ASCC3: variants seen among roughly 807,000 people sequenced by gnomAD.
ASCC3 encodes activating signal cointegrator 1 complex subunit 3, also known as ASC-1 complex subunit P200.
ASCC3 carries 158 observed loss-of-function variants against 256.3 expected under a neutral mutation model. The ratio of observed to expected loss-of-function variants is 0.62; its 90% confidence interval spans 0.54 to 0.70. The LOEUF (loss-of-function observed/expected upper bound fraction) is 0.70. Ranked by LOEUF, ASCC3 falls within the 30% of genes least tolerant of loss-of-function variation. The probability of loss-of-function intolerance (pLI) is 0.00; values close to 1 mark genes in which losing one functional copy is unlikely to be tolerated. For synonymous variants in ASCC3, 948 were observed against 883.4 expected, an observed-to-expected ratio of 1.07 and a Z score of -1.30; for missense variants, 2,259 against 2,626.0, an observed-to-expected ratio of 0.86 and a Z score of 3.05.
intron 14 of ASCC3, among the ~76,000 whole-genome samples, chr6:100,664,156 C>T (rs947810003): frequency 6.6e-6 from 1 of 152,078 alleles, no homozygotes; most frequent in East Asian, 1.9e-4. Flanking sequence ...TTCTGTTTGG[C>T]CATCACATCA....
At chr6:100,679,547 C>A in intron 14 of ASCC3, 71 bp downstream of exon 14, 1 of 1,601,070 alleles carries the variant, frequency 6.2e-7, no homozygotes, top group Non-Finnish European at 8.5e-7. Flanking sequence ...GACCGTGGAT[C>A]TTTCACATAT....
chr6:100,533,081 A>C (rs1774993964), intron 37 of ASCC3, among the ~76,000 whole-genome samples: 1 of 151,178 alleles, frequency 6.6e-6, no homozygotes, highest in African/African-American at 2.4e-5. Flanking sequence ...TTGAAATAAG[A>C]TCCCATTAGC....
chr6:100,563,670 G>A (rs1404931050), intron 36 of ASCC3, among the ~76,000 whole-genome samples: 1 of 152,090 alleles, frequency 6.6e-6, no homozygotes, highest in African/African-American at 2.4e-5. Flanking sequence ...GCCGAAGCCA[G>A]ACTCAGAACA....
At chr6:100,794,240 T>C (rs1769489955) in intron 8 of ASCC3, among the ~76,000 whole-genome samples, 1 of 152,088 alleles carries the variant, frequency 6.6e-6, no homozygotes, top group Non-Finnish European at 1.5e-5. Flanking sequence ...TCCCACAATA[T>C]TGAGTGTAAA....
Position 100,650,540 on chromosome 6 carries a change from G to A in ASCC3, c.3250C>T (p.Gln1084Ter), listed in dbSNP as rs1251851579. ...CTGGAAGGGAATAAGATACTTACCT[G>A]TGCAACATATGCAGAATCTGATATA... ...SLISDSAYVAQNAARIVRALF... is the reference protein window; with the variant it reads ...SLISDSAYVA Residue 1084 changes from glutamine to a stop codon, truncating the protein, a stop_gained and splice_region_variant, in exon 20 of 42, where the codon CAG becomes TAG. Transcript: ENST00000369162. LOFTEE classifies it high-confidence loss of function. 1 of 1,612,328 alleles carries A rather than the reference G, an allele frequency of 6.2e-7. No homozygotes were observed. The highest frequency in any genetic ancestry group is 2.2e-5 in the East Asian group (1 of 44,738).
chr6:100,875,264 G>C (rs1773942735), intron 1 of ASCC3, among the ~76,000 whole-genome samples: 1 of 152,154 alleles, frequency 6.6e-6, no homozygotes, highest in Admixed American at 6.5e-5. Context: ...AAGGAGAAAG[G>C]AGCAGGACAC....
At chr6:100,744,852 A>G (rs535743709) in intron 10 of ASCC3, among the ~76,000 whole-genome samples, 2 of 152,340 alleles carry the variant, frequency 1.3e-5, no homozygotes, top group Admixed American at 6.5e-5. Flanking sequence ...TTCTCACCAT[A>G]TGTTTGAGAA....
At chr6:100,523,562 A>T (rs982704425) in intron 37 of ASCC3, among the ~76,000 whole-genome samples, 22 of 152,114 alleles carry the variant, frequency 1.4e-4, no homozygotes, top group African/African-American at 5.3e-4. Flanking sequence ...CAGTCTCTGT[A>T]AGGAAATTTT....
intron 36 of ASCC3, among the ~76,000 whole-genome samples, chr6:100,571,612 A>G (rs1770596833): frequency 6.6e-6 from 1 of 152,216 alleles, no homozygotes; most frequent in African/African-American, 2.4e-5. Context: ...TGTTCTATGC[A>G]TTTCACGTAT....
intron 36 of ASCC3, among the ~76,000 whole-genome samples, chr6:100,587,212 A>G (rs1771745927): frequency 6.6e-6 from 1 of 152,130 alleles, no homozygotes; most frequent in Admixed American, 6.6e-5. Context: ...TCCTTAGTTT[A>G]AAACCACAAT....
chr6:100,824,916 T>G (rs1242525408), intron 4 of ASCC3, among the ~76,000 whole-genome samples: 1 of 152,130 alleles, frequency 6.6e-6, no homozygotes, highest in Non-Finnish European at 1.5e-5. Context: ...TTTGGTTTTT[T>G]TGCAAGCTTA....
chr6:100,809,288 CA>C (rs1218588767), intron 4 of ASCC3, among the ~76,000 whole-genome samples: 3 of 151,974 alleles, frequency 2.0e-5, no homozygotes, highest in Non-Finnish European at 2.9e-5. Flanking sequence ...GCTTAAAACA[CA>C]AACACACTGT....
chr6:100,664,736 G>C (rs77643327), intron 14 of ASCC3, among the ~76,000 whole-genome samples: 2,344 of 152,188 alleles, frequency 0.015, 23 homozygotes, highest in East Asian at 0.045. Context: ...TATGAATATG[G>C]AAAAAAGTCC....
intron 36 of ASCC3, among the ~76,000 whole-genome samples, chr6:100,543,554 G>A (rs1775567256): frequency 6.6e-6 from 1 of 152,116 alleles, no homozygotes; most frequent in African/African-American, 2.4e-5. Context: ...GAAAGGCAGA[G>A]TGGCTATATT....
At chr6:100,559,695 C>T (rs1351199212) in intron 36 of ASCC3, among the ~76,000 whole-genome samples, 1 of 151,816 alleles carries the variant, frequency 6.6e-6, no homozygotes, top group African/African-American at 2.4e-5. Context: ...ACTAAAAATA[C>T]AAACACTATC....
intron 4 of ASCC3, among the ~76,000 whole-genome samples, chr6:100,834,381 A>C (rs1469448334): frequency 6.6e-6 from 1 of 152,206 alleles, no homozygotes; most frequent in Non-Finnish European, 1.5e-5. Flanking sequence ...ATTGTGAAAG[A>C]AGTATATTTG....
At position 100,509,399 on chromosome 6, in the gene ASCC3, A is replaced by AG. The variant is rs1254866538; in HGVS notation, c.6595dup (p.Leu2199ProfsTer7). 6.2e-7 allele frequency: 1 copy of AG among 1,614,100 alleles called. No homozygotes were observed. The highest frequency in any genetic ancestry group is 1.3e-5 in the African/African-American group (1 of 74,950). On this transcript the variant is annotated frameshift_variant, in exon 42 of 42. Coordinates refer to ENST00000369162, the MANE Select transcript of ASCC3 (RefSeq NM_006828.4). LOFTEE classifies it high-confidence loss of function. Reference sequence around the variant, plus strand: ...GTTCAGGTCAAGTTACTTTAATGCCAGGTCAGTCAGGGAATCAGAGACCTT... The same window carrying AG: ...GTTCAGGTCAAGTTACTTTAATGCCAGGGTCAGTCAGGGAATCAGAGACCTT...
At chr6:100,603,324 C>T (rs1048840456) in intron 33 of ASCC3, among the ~76,000 whole-genome samples, 1 of 151,996 alleles carries the variant, frequency 6.6e-6, no homozygotes, top group Admixed American at 6.6e-5. Context: ...TTAATTATTA[C>T]AATGTGAACA....
At chr6:100,816,825 T>C (rs950376281) in intron 4 of ASCC3, among the ~76,000 whole-genome samples, 2 of 151,948 alleles carry the variant, frequency 1.3e-5, no homozygotes, top group Admixed American at 1.3e-4. Context: ...ACTTGGGTGA[T>C]GAAATAATCC....
Sources: allele counts gnomAD v4.1 joint callset (sites outside exome capture counted in the v4.1 genomes callset), GRCh38; gene constraint gnomAD v4.1.1; transcripts MANE v1.5; gene names NCBI Gene and HGNC (gene_info 2026-07-23, HGNC 2026-07-21).